The following TRIM22 variants were observed in gnomAD, a reference collection of about 807,000 sequenced individuals.
The protein encoded by TRIM22 is E3 ubiquitin-protein ligase TRIM22.
A neutral mutation model predicts 53.6 loss-of-function variants in TRIM22; 45 were observed. The ratio of observed to expected loss-of-function variants is 0.84; its 90% CI spans 0.66 to 1.08. The LOEUF (loss-of-function observed/expected upper bound fraction) is 1.08, where lower values mean the gene tolerates loss of function less well. TRIM22 is among the 50% of genes least tolerant of loss of function. TRIM22 has a pLI of 0.00. For synonymous variants in TRIM22, 225 were observed against 216.6 expected (o/e 1.04, Z -0.34); for missense variants, 616 against 590.9 (o/e 1.04, Z -0.44).
chr11:5,708,721 T>C, intron 7 of TRIM22, 118 bp downstream of exon 7: 1 of 953,898 alleles, frequency 1.0e-6, no homozygotes, highest in South Asian at 2.1e-5. Context: ...TAGTTCTTTT[T>C]TTTTTTTTTT....
Position 5,709,815 on chromosome 11 carries a change from G to T in TRIM22, c.*167G>T. 1.6e-6 allele frequency: 1 copy of T among 639,188 alleles called. No individual in the cohort carries two copies. Among genetic ancestry groups the T allele is most frequent in the East Asian group, 2.7e-5 (1 of 37,192 alleles). The allele number at this position is 639,188 out of a possible 1,614,324, so 39.6% of individuals were successfully genotyped here. On this transcript the variant is annotated 3_prime_UTR_variant, in exon 8 of 8. Coordinates refer to ENST00000379965, the MANE Select transcript of TRIM22 (RefSeq NM_006074.5). ...AGGGCTTCCATAGCAAAGCATCATA[G>T]ATTGCTGATTTAAACTGTAATTGTA...
chr11:5,696,282 T>C lies in TRIM22; in HGVS notation c.50T>C (p.Ile17Thr), dbSNP rs781061305. The C allele has an allele frequency of 3.1e-6, 5 of 1,613,908 alleles. No individual in the cohort carries two copies. In the African/African-American group the frequency reaches 4.0e-5, roughly 13 times the overall value. Residue 17 changes from isoleucine (I) to threonine (T), a missense_variant, in exon 2 of 8, where the codon ATC becomes ACC. Ile to Thr is a moderately conservative substitution (Grantham distance 89). Transcript: ENST00000379965. ...ATAGAGAAGGAGGTGACCTGCCCCA[T>C]CTGCCTGGAGCTCCTGACAGAACCT... ...VDIEKEVTCP[I>T]CLELLTEPLS...
At chr11:5,697,416 A>G in intron 3 of TRIM22, 73 bp downstream of exon 3, 4 of 1,058,198 alleles carry the variant, frequency 3.8e-6, no homozygotes, top group Non-Finnish European at 5.5e-6. Context: ...TCACAAGGAG[A>G]CCCCTTCCTC....
chr11:5,696,162 C>G lies in TRIM22; in HGVS notation c.-66-5C>G. 7.0e-7 allele frequency: 1 copy of G among 1,433,456 alleles called. No homozygotes were observed. The highest frequency in any genetic ancestry group is 9.5e-7 in the Non-Finnish European group (1 of 1,054,178). The allele number at this position is 1,433,456 out of a possible 1,614,324, so 88.8% of individuals were successfully genotyped here. A position where few individuals can be genotyped will look rare whatever the true frequency, so the allele number is the denominator to read the frequency against. On this transcript the variant is annotated splice_region_variant and splice_polypyrimidine_tract_variant and intron_variant, in intron 1 of 7. Transcript: ENST00000379965. ...TTCTTACCCTGTCCCCTTCAACATT[C>G]TCAGCACTGCAGGAGTTTGTGACCA...
chr11:5,708,716 C>A, intron 7 of TRIM22, 113 bp downstream of exon 7: 131 of 606,640 alleles, frequency 2.2e-4, no homozygotes, highest in Non-Finnish European at 3.0e-4. Context: ...CCATGTAGTT[C>A]TTTTTTTTTT....
chr11:5,696,944 C>T (rs139117418), intron 2 of TRIM22: 37 of 508,408 alleles, frequency 7.3e-5, no homozygotes, highest in African/African-American at 6.9e-4. Context: ...TTTTTGGGAA[C>T]ACGTCTGGTT....
Position 5,709,066 on chromosome 11 carries a change from G to A in TRIM22, c.915G>A (p.Leu305=). ...DVQYYWVDVM[L]NPGSATSNVA... ...TTTTTTCTACAGTGGACGTGATGCT[G>A]AATCCAGGCAGTGCCACTTCGAATG... is the stretch of plus-strand genomic sequence containing the variant. The change falls in exon 8 of 8, where the codon CTG becomes CTA. Residue 305 remains leucine, a synonymous_variant. Coordinates refer to ENST00000379965, the MANE Select transcript of TRIM22 (RefSeq NM_006074.5). The A allele has an allele frequency of 6.2e-7, 1 of 1,612,534 alleles. No individual in the cohort carries two copies. The highest frequency in any genetic ancestry group is 1.1e-5 in the South Asian group (1 of 91,054).
chr11:5,698,614 T>C, intron 4 of TRIM22, 69 bp downstream of exon 4: 1 of 1,312,496 alleles, frequency 7.6e-7, no homozygotes, highest in East Asian at 2.5e-5. Flanking sequence ...TTTCCTTCCC[T>C]TCCCAGTCTC....
Position 5,698,559 on chromosome 11 carries a change from T to C in TRIM22, c.750+14T>C. ...GAGATGCTGCAGGTAAGACTTGGGA[T>C]GGAGCACCTACGTAAGAGATTAGGG... On this transcript the variant is annotated intron_variant, in intron 4 of 7. Transcript: ENST00000379965. The C allele has an allele frequency of 6.3e-7, 1 of 1,598,318 alleles. No individual in the cohort carries two copies. Among genetic ancestry groups the C allele is most frequent in the East Asian group, 2.2e-5 (1 of 44,634 alleles).
chr11:5,709,433 G>A lies in TRIM22; in HGVS notation c.1282G>A (p.Asp428Asn), dbSNP rs1418013418. The stretch of plus-strand genomic sequence containing the variant: ...TGCTTTTGAGGACTCCTCCTCTTCT[G>A]ATCCCAAGGTTTTGACTCTCTTTAT... ...YNAFEDSSSS[D>N]PKVLTLFMAV... Residue 428 changes from aspartate (D) to asparagine (N), a missense_variant, in exon 8 of 8, where the codon GAT (aspartate) becomes AAT (asparagine). Asp to Asn is a conservative substitution (Grantham distance 23). Transcript: ENST00000379965. The A allele has an allele frequency of 8.7e-6, 14 of 1,614,154 alleles. No individual in the cohort carries two copies. The highest frequency in any genetic ancestry group is 1.2e-5 in the Non-Finnish European group (14 of 1,180,028).
chr11:5,692,422 G>A (rs1316310478), intron 1 of TRIM22, among the ~76,000 whole-genome samples: 2 of 152,210 alleles, frequency 1.3e-5, no homozygotes, highest in East Asian at 3.8e-4. Context: ...GTTACAAAAT[G>A]ACTTATCTGA....
intron 5 of TRIM22, among the ~76,000 whole-genome samples, chr11:5,707,178 C>T (rs968524730): frequency 2.0e-5 from 3 of 152,122 alleles, no homozygotes; most frequent in African/African-American, 4.8e-5. Context: ...AAGTTGCCCA[C>T]CTACTTGGCA....
At position 5,696,151 on chromosome 11, in the gene TRIM22, C is replaced by G. The variant is rs1853255163; in HGVS notation, c.-66-16C>G. 4 of 1,304,364 alleles carry G rather than the reference C, an allele frequency of 3.1e-6. No individual in the cohort carries two copies. The highest frequency in any genetic ancestry group is 4.3e-6 in the Non-Finnish European group (4 of 939,772). 80.8% of individuals were successfully genotyped at this position (1,304,364 alleles called of 1,614,324 possible). On this transcript the variant is annotated splice_polypyrimidine_tract_variant and intron_variant, in intron 1 of 7. Coordinates refer to ENST00000379965, the MANE Select transcript of TRIM22 (RefSeq NM_006074.5). ...TATTCCTTCTTTTCTTACCCTGTCC[C>G]CTTCAACATTCTCAGCACTGCAGGA...
intron 5 of TRIM22, among the ~76,000 whole-genome samples, chr11:5,707,126 T>C (rs1166668092): frequency 1.3e-5 from 2 of 152,240 alleles, no homozygotes; most frequent in Non-Finnish European, 2.9e-5. Flanking sequence ...CTTGCTCACA[T>C]ACTTTACCGT....
At chr11:5,698,688 C>T (rs1352277059) in intron 4 of TRIM22, 143 bp downstream of exon 4, 2 of 659,274 alleles carry the variant, frequency 3.0e-6, no homozygotes, top group South Asian at 1.9e-5. Flanking sequence ...CTTTTATGCC[C>T]ATCATTTCAG....
chr11:5,697,249 A>G lies in TRIM22; in HGVS notation c.425A>G (p.Glu142Gly), dbSNP rs1853279981. Residue 142 changes from glutamate (E) to glycine (G), a missense_variant and splice_region_variant, in exon 3 of 8, where the codon GAA (glutamate) becomes GGA (glycine). Physicochemically the swap from Glu to Gly is moderately conservative, Grantham distance 98. Transcript: ENST00000379965. ...RINEVVKECQ[E>G]KLQVALQRLI... is the part of the protein sequence containing the mutation. ...TCTGGTATAATTTATTTCTTACAGG[A>G]AAAGCTGCAGGTAGCCCTGCAGAGG... is the stretch of plus-strand genomic sequence containing the variant. The G allele has an allele frequency of 6.2e-7, 1 of 1,604,944 alleles. No homozygotes were observed. Among genetic ancestry groups the G allele is most frequent in the Admixed American group, 1.7e-5 (1 of 58,096 alleles).
chr11:5,709,794 CTT>C lies in TRIM22; in HGVS notation c.*147_*148del. 4.2e-6 allele frequency: 3 copies of C among 720,394 alleles called. No individual in the cohort carries two copies. The highest frequency in any genetic ancestry group is 6.8e-6 in the Non-Finnish European group (3 of 438,938). 44.6% of individuals were successfully genotyped at this position (720,394 alleles called of 1,614,324 possible). A position where few individuals can be genotyped will look rare whatever the true frequency, so the allele number is the denominator to read the frequency against. ...ATGTCTTTGTATTCATTTGCTAGGG[CTT>C]CCATAGCAAAGCATCATAGATTGCT... is the stretch of plus-strand genomic sequence containing the variant. On this transcript the variant is annotated 3_prime_UTR_variant, in exon 8 of 8. Transcript: ENST00000379965.
intron 1 of TRIM22, among the ~76,000 whole-genome samples, chr11:5,693,442 C>T (rs372479294): frequency 3.3e-5 from 5 of 151,408 alleles, no homozygotes; most frequent in East Asian, 2.0e-4. Context: ...ATGAATAGGC[C>T]GGGCGCGGTG....
At chr11:5,698,036 T>A in intron 3 of TRIM22, 4 of 334,084 alleles carry the variant, frequency 1.2e-5, no homozygotes. Flanking sequence ...AAAGGCAAAG[T>A]TGTTCAGGAC....
Sources: gnomAD v4.1 joint callset for allele counts (sites outside exome capture counted in the v4.1 genomes callset) on GRCh38, gnomAD v4.1.1 for gene constraint, MANE v1.5 for transcripts, NCBI Gene and HGNC (gene_info 2026-07-23, HGNC 2026-07-21) for gene names.